The following METAP1D variants were observed in gnomAD, a reference collection of about 807,000 sequenced individuals.
METAP1D encodes the protein methionine aminopeptidase 1D, mitochondrial.
Under a neutral mutation model 40.5 loss-of-function variants are expected in METAP1D, and 31 were observed. The observed-to-expected ratio is 0.77, with a 90% confidence interval of 0.58 to 1.03. The LOEUF (loss-of-function observed/expected upper bound fraction) is 1.03. Ranked by LOEUF, METAP1D falls within the 50% of genes least tolerant of loss-of-function variation. The pLI, the probability that METAP1D is intolerant of heterozygous loss-of-function variation, is 0.00. For synonymous variants in METAP1D, 151 were observed against 146.4 expected (o/e 1.03, Z -0.22); for missense variants, 411 against 420.7 (o/e 0.98, Z 0.20).
intron 1 of METAP1D, among the ~76,000 whole-genome samples, chr2:172,045,697 A>ATGTGTGTG (rs1484116141): frequency 9.1e-5 from 6 of 65,886 alleles, no homozygotes; most frequent in South Asian, 5.0e-4. Context: ...TCATTCATAT[A>ATGTGTGTG]TATGTGTGTG....
At chr2:172,029,917 A>G (rs768363860) in intron 1 of METAP1D, among the ~76,000 whole-genome samples, 15 of 151,322 alleles carry the variant, frequency 9.9e-5, no homozygotes, top group Non-Finnish European at 1.0e-4. Context: ...CACCACATCC[A>G]GCTAATTTTT....
At chr2:172,002,862 C>CT (rs960597600) in intron 1 of METAP1D, among the ~76,000 whole-genome samples, 6 of 152,026 alleles carry the variant, frequency 3.9e-5, no homozygotes, top group Non-Finnish European at 5.9e-5. Context: ...TAGAGGAAGA[C>CT]TTTTTTTTAA....
In METAP1D at chr2:172,079,459, A is replaced by G. The variant is rs79148037; in HGVS notation, c.850+197A>G. On this transcript the variant is annotated intron_variant, in intron 8 of 9. Coordinates refer to ENST00000315796, the MANE Select transcript of METAP1D (RefSeq NM_199227.3). ...TCAGATACTTACCGACACATTTAGG[A>G]GAAGGCAGCCATCCAACCTCTAATT... 2.6e-3 allele frequency among the ~76,000 whole-genome samples: 391 copies of G among 152,374 alleles called. 2 individuals carry two copies. Among genetic ancestry groups the G allele is most frequent in the Non-Finnish European group, 4.6e-3 (315 of 68,036 alleles).
At position 172,081,891 on chromosome 2, in the gene METAP1D, G is replaced by C. The variant is rs1474720614; in HGVS notation, c.*1485G>C. 6.6e-6 allele frequency: 1 copy of C among 152,252 alleles called. No homozygotes were observed. The highest frequency in any genetic ancestry group is 1.5e-5 in the Non-Finnish European group (1 of 68,090). 9.4% of individuals were successfully genotyped at this position (152,252 alleles called of 1,614,324 possible). On this transcript the variant is annotated 3_prime_UTR_variant, in exon 10 of 10. Coordinates refer to ENST00000315796, the MANE Select transcript of METAP1D (RefSeq NM_199227.3). ...AATACGGGAAACTGAGGACCAGGTGGCTCGGAAAAGAGATGAGTTCCAGCT... is the reference window on the plus strand; with the variant it reads ...AATACGGGAAACTGAGGACCAGGTGCCTCGGAAAAGAGATGAGTTCCAGCT...
intron 6 of METAP1D, 111 bp from the exon 7 acceptor site, chr2:172,077,686 T>C (rs1690580050): frequency 5.3e-6 from 3 of 564,572 alleles, no homozygotes; most frequent in Non-Finnish European, 9.5e-6. Flanking sequence ...TGACTCTAAA[T>C]ATTACTGACT....
At chr2:172,066,781 A>C (rs1481843074) in intron 5 of METAP1D, among the ~76,000 whole-genome samples, 6 of 152,192 alleles carry the variant, frequency 3.9e-5, no homozygotes. Flanking sequence ...ATTAGGGGCT[A>C]CATTGGCCTG....
rs953296577 is a variant in METAP1D at position 172,045,012 on chromosome 2, G to A, written c.41-16486G>A. 3.9e-4 allele frequency among the ~76,000 whole-genome samples: 53 copies of A among 134,742 alleles called. 6 individuals are homozygous for A. Among genetic ancestry groups the A allele is most frequent in the African/African-American group, 1.3e-3 (50 of 39,766 alleles). 88.4% of individuals were successfully genotyped at this position (134,742 alleles called of 152,430 possible). A position where few individuals can be genotyped will look rare whatever the true frequency, so the allele number is the denominator to read the frequency against. On this transcript the variant is annotated intron_variant, in intron 1 of 9. Transcript: ENST00000315796. ...ATCTTTAACCTCAGGAGTATCTGAA[G>A]AAAAATAAGTAAAAGTGAGATACAG...
chr2:172,027,498 GTGTA>G, intron 1 of METAP1D, among the ~76,000 whole-genome samples: 1 of 152,200 alleles, frequency 6.6e-6, no homozygotes, highest in Non-Finnish European at 1.5e-5. Flanking sequence ...ATCTAGGTTT[GTGTA>G]AGTACCCTTT....
chr2:172,051,920 G>T (rs965198324), intron 1 of METAP1D, among the ~76,000 whole-genome samples: 1 of 152,152 alleles, frequency 6.6e-6, no homozygotes, highest in African/African-American at 2.4e-5. Flanking sequence ...GCATAAAAGT[G>T]AGTTATGACT....
At chr2:172,058,951 T>C (rs1690062306) in intron 1 of METAP1D, among the ~76,000 whole-genome samples, 2 of 152,192 alleles carry the variant, frequency 1.3e-5, no homozygotes, top group Admixed American at 1.3e-4. Flanking sequence ...GTTTCACAGC[T>C]GAAATGTTAC....
chr2:171,999,989 T>A lies in METAP1D; in HGVS notation c.20T>A (p.Val7Asp), dbSNP rs1294135447. 3.0e-6 allele frequency: 4 copies of A among 1,345,064 alleles called. No homozygotes were observed. Among genetic ancestry groups the A allele is most frequent in the Middle Eastern group, 4.3e-4 (2 of 4,630 alleles). The allele number at this position is 1,345,064 out of a possible 1,614,324, so 83.3% of individuals were successfully genotyped here. A position where few individuals can be genotyped will look rare whatever the true frequency, so the allele number is the denominator to read the frequency against. Reference protein sequence around the residue: MAAPSGVHLLVRRGSHR... With the variant: MAAPSGDHLLVRRGSHR... ...GCCAACATGGCGGCGCCCAGTGGCG[T>A]CCACCTGCTCGTCCGCAGAGGTAAG... The change falls in exon 1 of 10, where the codon GTC (valine) becomes GAC (aspartate). Residue 7 changes from valine to aspartate, a missense_variant. Val to Asp is a radical substitution (Grantham distance 152). Transcript: ENST00000315796.
chr2:172,080,904 G>A lies in METAP1D; in HGVS notation c.*498G>A, dbSNP rs1690692813. The A allele has an allele frequency of 1.2e-5, 2 of 170,860 alleles. No individual in the cohort carries two copies. The highest frequency in any genetic ancestry group is 2.4e-5 in the African/African-American group (1 of 41,540). 10.6% of individuals were successfully genotyped at this position (170,860 alleles called of 1,614,324 possible). A position where few individuals can be genotyped will look rare whatever the true frequency, so the allele number is the denominator to read the frequency against. On this transcript the variant is annotated 3_prime_UTR_variant, in exon 10 of 10. Transcript: ENST00000315796. The stretch of plus-strand genomic sequence containing the variant: ...CCCTTTTGTGTATTCCATATTGGCC[G>A]GCCCCAAGGATGCTCGCAGAAGCCA...
intron 1 of METAP1D, among the ~76,000 whole-genome samples, chr2:172,011,573 C>G (rs191822367): frequency 1.3e-5 from 2 of 152,210 alleles, no homozygotes; most frequent in Non-Finnish European, 2.9e-5. Context: ...CGTGAGCCAC[C>G]GCGCCCGGCC....
chr2:172,055,879 G>A (rs1008657119), intron 1 of METAP1D, among the ~76,000 whole-genome samples: 2 of 152,198 alleles, frequency 1.3e-5, no homozygotes, highest in African/African-American at 4.8e-5. Flanking sequence ...CCAGTCATGT[G>A]TGGGTGTGTC....
At chr2:172,062,333 C>G (rs913534731) in intron 2 of METAP1D, among the ~76,000 whole-genome samples, 7 of 152,152 alleles carry the variant, frequency 4.6e-5, no homozygotes, top group African/African-American at 1.7e-4. Context: ...GTATGTTATA[C>G]TTCTGAAGGT....
At chr2:172,000,411 G>A (rs1688431267) in intron 1 of METAP1D, among the ~76,000 whole-genome samples, 1 of 152,204 alleles carries the variant, frequency 6.6e-6, no homozygotes, top group Non-Finnish European at 1.5e-5. Context: ...CTTTTATGCA[G>A]GCATGCTTTT....
intron 1 of METAP1D, among the ~76,000 whole-genome samples, chr2:172,017,375 GTA>G (rs201087160): frequency 2.0e-5 from 3 of 149,072 alleles, no homozygotes; most frequent in Admixed American, 6.7e-5. Context: ...ATATATATGT[GTA>G]TATATATGTA....
chr2:172,039,585 C>T (rs1048147967), intron 1 of METAP1D, among the ~76,000 whole-genome samples: 3 of 151,948 alleles, frequency 2.0e-5, no homozygotes, highest in Non-Finnish European at 4.4e-5. Context: ...TCTTAGAAGT[C>T]GTCAGGAAAG....
Position 172,061,672 on chromosome 2 carries a change from TA to T in METAP1D, c.198+18del, listed in dbSNP as rs1553497015. On this transcript the variant is annotated intron_variant, in intron 2 of 9. Coordinates refer to ENST00000315796, the MANE Select transcript of METAP1D (RefSeq NM_199227.3). ...GTTCCTAAGGTACTGTATTGCCTAT[TA>T]TCTCCTGCTTTTTCCAGCCAAGATA... 6.4e-7 allele frequency: 1 copy of T among 1,558,992 alleles called. No homozygotes were observed. Among genetic ancestry groups the T allele is most frequent in the African/African-American group, 1.4e-5 (1 of 72,394 alleles).
Sources: allele counts gnomAD v4.1 joint callset (sites outside exome capture counted in the v4.1 genomes callset), GRCh38; gene constraint gnomAD v4.1.1; transcripts MANE v1.5; gene names NCBI Gene and HGNC (gene_info 2026-07-23, HGNC 2026-07-21).